Variants in CACNB2 observed in about 807,000 individuals in gnomAD.
CACNB2 encodes the protein voltage-dependent L-type calcium channel subunit beta-2.
A neutral mutation model predicts 73.3 loss-of-function variants in CACNB2; 42 were observed. The observed-to-expected ratio is 0.57, with a 90% CI of 0.45 to 0.74. CACNB2 has a LOEUF of 0.74. CACNB2 is among the 30% of genes least tolerant of loss of function. The pLI is 0.00. For missense variants in CACNB2, 940 were observed against 853.0 expected, an observed-to-expected ratio of 1.10 and a Z score of -1.27; for synonymous variants, 348 against 310.3, an observed-to-expected ratio of 1.12 and a Z score of -1.28.
chr10:18,248,203 TGA>T (rs2036942848), intron 2 of CACNB2, among the ~76,000 whole-genome samples: 1 of 152,242 alleles, frequency 6.6e-6, no homozygotes, highest in African/African-American at 2.4e-5. Context: ...CTAATTGAGC[TGA>T]TGTTAGGACC....
At chr10:18,313,995 A>T (rs2040060088) in intron 2 of CACNB2, among the ~76,000 whole-genome samples, 1 of 152,276 alleles carries the variant, frequency 6.6e-6, no homozygotes, top group African/African-American at 2.4e-5. Context: ...GCTTCTGGAC[A>T]GTCAAATATT....
In CACNB2 at chr10:18,538,325, C is replaced by T; in HGVS notation, c.1448C>T (p.Ser483Leu). The change falls in exon 13 of 14, where the codon TCA becomes TTA. Residue 483 changes from serine (S) to leucine (L), a missense_variant. By Grantham distance (145) the Ser-to-Leu change is moderately radical (BLOSUM62 -2). Transcript: ENST00000324631. ...NPLLSRTLAT[S>L]SLPLSPTLAS... ...CTCCTTAGCCGTACATTAGCCACTTCAAGTCTGCCTCTTAGCCCCACCCTA... is the reference window on the plus strand; with the variant it reads ...CTCCTTAGCCGTACATTAGCCACTTTAAGTCTGCCTCTTAGCCCCACCCTA... The T allele has an allele frequency of 1.2e-6, 2 of 1,614,172 alleles. No homozygotes were observed. The highest frequency in any genetic ancestry group is 1.7e-6 in the Non-Finnish European group (2 of 1,179,994).
intron 6 of CACNB2, among the ~76,000 whole-genome samples, chr10:18,506,918 C>G (rs2050521254): frequency 1.3e-5 from 2 of 152,196 alleles, no homozygotes; most frequent in South Asian, 4.1e-4. Flanking sequence ...CCCACCTCCG[C>G]TTCCCAAGTA....
intron 2 of CACNB2, among the ~76,000 whole-genome samples, chr10:18,342,351 G>A (rs1257328439): frequency 6.6e-6 from 1 of 152,170 alleles, no homozygotes; most frequent in Non-Finnish European, 1.5e-5. Flanking sequence ...CACGAGGCCA[G>A]GTATGGTGGC....
chr10:18,500,957 CAG>C lies in CACNB2; in HGVS notation c.593+11_593+12del. On this transcript the variant is annotated intron_variant, in intron 5 of 13. Transcript: ENST00000324631. ...GGGAAATTCTACTCCAGGTATGAGA[CAG>C]ATGTCAAGTGTTTGCATAAAACTTA... 6.2e-7 allele frequency: 1 copy of C among 1,613,450 alleles called. No individual in the cohort carries two copies. The highest frequency in any genetic ancestry group is 8.5e-7 in the Non-Finnish European group (1 of 1,179,490).
intron 2 of CACNB2, among the ~76,000 whole-genome samples, chr10:18,365,293 G>A (rs1351322176): frequency 6.6e-6 from 1 of 152,092 alleles, no homozygotes; most frequent in Non-Finnish European, 1.5e-5. Context: ...TACCCCTCTG[G>A]CCTTGACATT....
At chr10:18,409,788 C>G (rs1200630710) in intron 3 of CACNB2, among the ~76,000 whole-genome samples, 1 of 152,150 alleles carries the variant, frequency 6.6e-6, no homozygotes, top group Non-Finnish European at 1.5e-5. Flanking sequence ...TCCTGTCTTG[C>G]TCTATTGGAC....
intron 2 of CACNB2, chr10:18,401,117 T>C: frequency 6.2e-7 from 1 of 1,614,110 alleles, no homozygotes; most frequent in Non-Finnish European, 8.5e-7. Flanking sequence ...GCAAGGGCTT[T>C]CGTTTGTGGG....
At chr10:18,282,703 G>GT (rs565245504) in intron 2 of CACNB2, among the ~76,000 whole-genome samples, 21 of 152,136 alleles carry the variant, frequency 1.4e-4, no homozygotes, top group African/African-American at 4.3e-4. Context: ...TTTTAAGTGT[G>GT]TTTTTTTCCT....
At chr10:18,327,144 T>C (rs1315745296) in intron 2 of CACNB2, among the ~76,000 whole-genome samples, 1 of 152,156 alleles carries the variant, frequency 6.6e-6, no homozygotes, top group Non-Finnish European at 1.5e-5. Context: ...TTGGTTTTCA[T>C]TCTGTTTGAC....
intron 2 of CACNB2, among the ~76,000 whole-genome samples, chr10:18,186,297 T>C (rs942027721): frequency 2.0e-5 from 3 of 151,942 alleles, no homozygotes; most frequent in Non-Finnish European, 2.9e-5. Flanking sequence ...TGCATGCCTG[T>C]AATCCCAGCT....
intron 3 of CACNB2, among the ~76,000 whole-genome samples, chr10:18,422,129 A>C (rs879914898): frequency 5.9e-5 from 9 of 152,250 alleles, no homozygotes; most frequent in Non-Finnish European, 1.0e-4. Flanking sequence ...AGTTCAGCAG[A>C]TAGTAGGAGC....
chr10:18,498,317 TG>T (rs1276491169), intron 3 of CACNB2, 37 bp from the exon 4 acceptor site: 3 of 1,613,180 alleles, frequency 1.9e-6, no homozygotes, highest in Non-Finnish European at 2.5e-6. Flanking sequence ...AGTGTTGTTT[TG>T]CTCTTATTTT....
At chr10:18,464,565 A>G (rs755052294) in intron 3 of CACNB2, among the ~76,000 whole-genome samples, 1 of 151,882 alleles carries the variant, frequency 6.6e-6, no homozygotes, top group African/African-American at 2.4e-5. Flanking sequence ...GCCCACCTCT[A>G]CCACCCAACA....
chr10:18,201,341 C>G (rs139956970), intron 2 of CACNB2, among the ~76,000 whole-genome samples: 1,543 of 148,040 alleles, frequency 0.01, 22 homozygotes, highest in African/African-American at 0.034. Context: ...GCGGCATGAT[C>G]TTGACTCACT....
intron 12 of CACNB2, among the ~76,000 whole-genome samples, chr10:18,537,758 C>A (rs2053744800): frequency 6.7e-6 from 1 of 149,952 alleles, no homozygotes; most frequent in African/African-American, 2.4e-5. Flanking sequence ...GCCTGGGTAA[C>A]AGAGTAAGAC....
At chr10:18,358,679 A>G (rs2042029891) in intron 2 of CACNB2, among the ~76,000 whole-genome samples, 2 of 152,120 alleles carry the variant, frequency 1.3e-5, no homozygotes, top group Admixed American at 6.5e-5. Flanking sequence ...CTTACCATAT[A>G]AATAGAGCAA....
chr10:18,406,830 G>C (rs7477742), intron 3 of CACNB2, among the ~76,000 whole-genome samples: 1 of 151,890 alleles, frequency 6.6e-6, no homozygotes, highest in African/African-American at 2.4e-5. Flanking sequence ...TTAGAGGATG[G>C]ACAGGTGAAG....
At chr10:18,322,042 G>A (rs1005385194) in intron 2 of CACNB2, among the ~76,000 whole-genome samples, 1 of 152,092 alleles carries the variant, frequency 6.6e-6, no homozygotes, top group Admixed American at 6.6e-5. Context: ...TGTGGTCCTA[G>A]CTACTAAAGT....
Sources: allele counts gnomAD v4.1 joint callset (sites outside exome capture counted in the v4.1 genomes callset), GRCh38; gene constraint gnomAD v4.1.1; transcripts MANE v1.5; gene names NCBI Gene and HGNC (gene_info 2026-07-23, HGNC 2026-07-21).